SPG11: variants seen among roughly 807,000 people sequenced by gnomAD.
The protein encoded by SPG11 is SPG11 vesicle trafficking associated, spatacsin.
A neutral mutation model predicts 274.0 loss-of-function variants in SPG11; 222 were observed. That is an observed-to-expected ratio of 0.81 (90% CI 0.73 to 0.91). SPG11 has a LOEUF of 0.91. Among genes scored for constraint, SPG11 ranks in the 40% least tolerant of loss-of-function variants. The probability of loss-of-function intolerance (pLI) is 0.00; values close to 1 mark genes in which losing one functional copy is unlikely to be tolerated. For missense variants in SPG11, 3,114 were observed against 2,872.7 expected, an observed-to-expected ratio of 1.08 and a Z score of -1.92; for synonymous variants, 1,144 against 1,039.7, an observed-to-expected ratio of 1.10 and a Z score of -1.93.
intron 15 of SPG11, among the ~76,000 whole-genome samples, chr15:44,618,770 A>G (rs998680489): frequency 7.9e-5 from 12 of 151,986 alleles, no homozygotes; most frequent in Non-Finnish European, 1.5e-4. Context: ...TAGTGAGCCA[A>G]TATCACGTCC....
chr15:44,646,578 C>G (rs970993214), intron 7 of SPG11, among the ~76,000 whole-genome samples: 1 of 152,116 alleles, frequency 6.6e-6, no homozygotes, highest in African/African-American at 2.4e-5. Context: ...GGTGGGGACA[C>G]AGAGCCAAAC....
intron 15 of SPG11, among the ~76,000 whole-genome samples, chr15:44,617,586 T>C (rs1026344926): frequency 3.9e-5 from 6 of 152,214 alleles, no homozygotes; most frequent in African/African-American, 1.4e-4. Context: ...CCGGCACCAA[T>C]ACTCTGTCTT....
intron 7 of SPG11, among the ~76,000 whole-genome samples, chr15:44,644,208 G>C (rs1410246029): frequency 1.3e-5 from 2 of 151,422 alleles, no homozygotes; most frequent in African/African-American, 4.9e-5. Context: ...CTAGTGAACT[G>C]AATCCAGCAA....
rs1019724886 is a variant in SPG11 at position 44,660,957 on chromosome 15, A to G, written c.258-341T>C. 4.6e-5 allele frequency among the ~76,000 whole-genome samples: 7 copies of G among 152,206 alleles called. No individual in the cohort carries two copies. In the East Asian group the frequency reaches 1.2e-3, roughly 25 times the overall value. On this transcript the variant is annotated intron_variant, in intron 1 of 39. Coordinates refer to ENST00000261866, the MANE Select transcript of SPG11 (RefSeq NM_025137.4). ...GGTAGGTATCAACAACAAAATATGT[A>G]TATTATTTATATGAGGTGGTATTCA...
intron 30 of SPG11, among the ~76,000 whole-genome samples, chr15:44,576,040 G>A (rs1239531832): frequency 6.6e-6 from 1 of 151,324 alleles, no homozygotes; most frequent in Non-Finnish European, 1.5e-5. Flanking sequence ...TACTCAGGAG[G>A]CTGAGGCAGG....
chr15:44,637,719 G>A (rs1416898577), intron 7 of SPG11, among the ~76,000 whole-genome samples: 1 of 152,244 alleles, frequency 6.6e-6, no homozygotes, highest in East Asian at 1.9e-4. Context: ...TACAATGGTG[G>A]TTCCCATAAG....
In SPG11 at chr15:44,567,512, G is replaced by A; in HGVS notation, c.6666C>T (p.Ala2222=). Residue 2222 remains alanine (A), a synonymous_variant, in exon 36 of 40, where the codon GCC becomes GCT. Transcript: ENST00000261866. Reference sequence around the variant, plus strand: ...TCTCCCGGCACATGCTGAAGCACAGGGCAATCATATTGTGCTTTTCACTGT... The same window carrying A: ...TCTCCCGGCACATGCTGAAGCACAGAGCAATCATATTGTGCTTTTCACTGT... ...PGDSEKHNMI[A]LCFSMCREIG... 6.2e-7 allele frequency: 1 copy of A among 1,614,016 alleles called. No homozygotes were observed. Among genetic ancestry groups the A allele is most frequent in the Non-Finnish European group, 8.5e-7 (1 of 1,179,996 alleles).
At chr15:44,621,295 T>C (rs1414663745) in intron 14 of SPG11, 1 of 156,468 alleles carries the variant, frequency 6.4e-6, no homozygotes, top group African/African-American at 2.4e-5. Context: ...AAATAAAAAC[T>C]TTGTTTCAGA....
chr15:44,608,587 T>C lies in SPG11; in HGVS notation c.3310A>G (p.Asn1104Asp), dbSNP rs1211828295. The C allele has an allele frequency of 1.2e-6, 2 of 1,613,884 alleles. No homozygotes were observed. The highest frequency in any genetic ancestry group is 1.1e-5 in the South Asian group (1 of 91,070). The change falls in exon 19 of 40, where the codon AAT (asparagine) becomes GAT (aspartate). Residue 1104 changes from asparagine (N) to aspartate (D), a missense_variant. By Grantham distance (23) the Asn-to-Asp change is conservative (BLOSUM62 1). Transcript: ENST00000261866. ...TCCACTTTCTTCAAACAGTTTTCAT[T>C]TTCTTCATTCTGAACAACCTAAGTA... ...GVSQVVQNEE[N>D]ENCLKKVDPQ... is the part of the protein sequence containing the mutation.
chr15:44,650,073 C>T (rs1041292351), intron 6 of SPG11, among the ~76,000 whole-genome samples: 2 of 152,100 alleles, frequency 1.3e-5, no homozygotes, highest in Non-Finnish European at 2.9e-5. Context: ...ATAGAAGAAA[C>T]ACACGGTTAA....
At chr15:44,564,848 G>A in intron 38 of SPG11, 150 bp from the exon 39 acceptor site, 1 of 879,344 alleles carries the variant, frequency 1.1e-6, no homozygotes, top group Non-Finnish European at 1.8e-6. Flanking sequence ...TATCAGAGGT[G>A]GTGAAAAGTC....
At chr15:44,660,334 T>A in intron 2 of SPG11, 98 bp downstream of exon 2, 1 of 1,076,624 alleles carries the variant, frequency 9.3e-7, no homozygotes, top group Non-Finnish European at 1.4e-6. Flanking sequence ...TCAGACAGCG[T>A]AGACCTGATT....
chr15:44,587,685 G>C (rs2082796720), intron 28 of SPG11, among the ~76,000 whole-genome samples: 1 of 85,794 alleles, frequency 1.2e-5, no homozygotes, highest in South Asian at 4.4e-4. Flanking sequence ...AACAGAGCCA[G>C]ACTGTCTCAA....
Position 44,565,871 on chromosome 15 carries a change from G to C in SPG11, c.6982C>G (p.Leu2328Val). 6.2e-7 allele frequency: 1 copy of C among 1,614,120 alleles called. No homozygotes were observed. The highest frequency in any genetic ancestry group is 8.5e-7 in the Non-Finnish European group (1 of 1,180,034). ...RHKLMDCILA[L>V]PRFYQASIVA... ...TTGCTCACCTGGTAGAACCGAGGTAGGGCCAGAATACAGTCCATCAGCTTG... is the reference window on the plus strand; with the variant it reads ...TTGCTCACCTGGTAGAACCGAGGTACGGCCAGAATACAGTCCATCAGCTTG... Residue 2328 changes from leucine (L) to valine (V), a missense_variant, in exon 38 of 40, where the codon CTA becomes GTA. By Grantham distance (32) the Leu-to-Val change is conservative. Transcript: ENST00000261866.
chr15:44,570,773 C>CTGATGGGA, intron 33 of SPG11, 115 bp from the exon 34 acceptor site: 2 of 1,383,230 alleles, frequency 1.4e-6, no homozygotes, highest in Non-Finnish European at 2.0e-6. Context: ...CTGGAGAGGG[C>CTGATGGGA]CGTCCCATCA....
chr15:44,636,881 G>A (rs182891491), intron 7 of SPG11, among the ~76,000 whole-genome samples: 157 of 122,722 alleles, frequency 1.3e-3, no homozygotes, highest in Non-Finnish European at 2.0e-3. Context: ...AGCAGAGATC[G>A]CATCATTGCA....
chr15:44,564,498 T>A, intron 39 of SPG11, 49 bp downstream of exon 39: 1 of 1,603,264 alleles, frequency 6.2e-7, no homozygotes, highest in East Asian at 2.2e-5. Flanking sequence ...TTGTCTCACC[T>A]CAAAGCAGAG....
At chr15:44,622,464 C>A (rs2083780817) in intron 12 of SPG11, 117 bp from the exon 13 acceptor site, 1 of 919,878 alleles carries the variant, frequency 1.1e-6, no homozygotes, top group African/African-American at 1.7e-5. Flanking sequence ...TAAAAAAAGT[C>A]ATGAGATAAT....
At chr15:44,653,377 G>A (rs562299947) in intron 4 of SPG11, among the ~76,000 whole-genome samples, 57 of 152,266 alleles carry the variant, frequency 3.7e-4, no homozygotes, top group African/African-American at 1.4e-3. Context: ...ATGATGAAAA[G>A]AAGTTAGAGA....
Sources: gnomAD v4.1 joint callset for allele counts (sites outside exome capture counted in the v4.1 genomes callset) on GRCh38, gnomAD v4.1.1 for gene constraint, MANE v1.5 for transcripts, NCBI Gene and HGNC (gene_info 2026-07-23, HGNC 2026-07-21) for gene names.